NUP210L: variants seen among roughly 807,000 people sequenced by gnomAD.
NUP210L encodes the protein nucleoporin 210 like.
NUP210L carries 74 observed loss-of-function variants against 208.5 expected under a neutral mutation model. The ratio of observed to expected loss-of-function variants is 0.35; its 90% CI spans 0.29 to 0.43. NUP210L has a LOEUF of 0.43. Among genes scored for constraint, NUP210L ranks in the 20% least tolerant of loss-of-function variants. The probability of loss-of-function intolerance (pLI) is 1.00; values close to 1 mark genes in which losing one functional copy is unlikely to be tolerated. For synonymous variants in NUP210L, 780 were observed against 816.9 expected, an observed-to-expected ratio of 0.95 and a Z score of 0.77; for missense variants, 1,843 against 2,289.4, an observed-to-expected ratio of 0.81 and a Z score of 3.98.
In NUP210L at chr1:154,061,572, T is replaced by A; in HGVS notation, c.2643+14A>T. 1 of 1,408,188 alleles carries A rather than the reference T, an allele frequency of 7.1e-7. No homozygotes were observed. The highest frequency in any genetic ancestry group is 9.9e-7 in the Non-Finnish European group (1 of 1,005,190). The allele number at this position is 1,408,188 out of a possible 1,614,324, so 87.2% of individuals were successfully genotyped here. A position where few individuals can be genotyped will look rare whatever the true frequency, so the allele number is the denominator to read the frequency against. ...TATTTAATTTATATTTCTTACATTA[T>A]AATCTCCACTCACTTTTGGGCTTTT... On this transcript the variant is annotated intron_variant, in intron 18 of 39. Coordinates refer to ENST00000368559, the Ensembl canonical transcript of NUP210L.
chr1:154,055,159 CTTTCT>C (rs1236640227), intron 23 of NUP210L, among the ~76,000 whole-genome samples: 5 of 115,396 alleles, frequency 4.3e-5, no homozygotes, highest in African/African-American at 1.7e-4. Context: ...TTCTTTCTTT[CTTTCT>C]TTCTTTCTTT....
intron 7 of NUP210L, among the ~76,000 whole-genome samples, chr1:154,130,254 G>T (rs1273695378): frequency 1.3e-5 from 2 of 151,950 alleles, no homozygotes; most frequent in African/African-American, 4.8e-5. Flanking sequence ...CAGAAGAATT[G>T]CTTGAACCCA....
rs1367159154 is a variant in NUP210L at position 154,006,968 on chromosome 1, T to TATA, written c.4930+3003_4930+3004insTAT. Among the ~76,000 whole-genome samples the TATA allele has an allele frequency of 4.0e-3, 337 of 84,002 alleles. 2 individuals are homozygous for TATA. Among genetic ancestry groups the TATA allele is most frequent in the East Asian group, 8.8e-3 (28 of 3,178 alleles). 55.1% of individuals were successfully genotyped at this position (84,002 alleles called of 152,430 possible). A position where few individuals can be genotyped will look rare whatever the true frequency, so the allele number is the denominator to read the frequency against. ...TGTGTATATATATATATATATATATTTTTTTTTTTTTTTTAAATGGAGTTT... is the reference window on the plus strand; with the variant it reads ...TGTGTATATATATATATATATATATTATATTTTTTTTTTTTTTAAATGGAGTTT... On this transcript the variant is annotated intron_variant, in intron 35 of 39. Transcript: ENST00000368559.
At chr1:154,102,284 C>T (rs1016653983) in intron 13 of NUP210L, among the ~76,000 whole-genome samples, 1 of 152,052 alleles carries the variant, frequency 6.6e-6, no homozygotes, top group Non-Finnish European at 1.5e-5. Flanking sequence ...GTCTTGAATA[C>T]CAAACTAAAA....
intron 3 of NUP210L, 103 bp downstream of exon 3, chr1:154,143,343 T>G (rs1418260665): frequency 2.2e-6 from 2 of 893,596 alleles, no homozygotes; most frequent in Non-Finnish European, 3.5e-6. Flanking sequence ...AGATATTACT[T>G]CTAATCTACT....
exon 36 of NUP210L, chr1:154,001,885 G>A: frequency 6.2e-7 from 1 of 1,614,152 alleles, no homozygotes; most frequent in Non-Finnish European, 8.5e-7. Context: ...TACGTTCACT[G>A]ACCAGTGTAG....
intron 25 of NUP210L, among the ~76,000 whole-genome samples, chr1:154,048,438 T>A (rs1213053732): frequency 6.6e-6 from 1 of 152,168 alleles, no homozygotes. Context: ...CTTAAAGAGT[T>A]TAAACAGGCC....
intron 27 of NUP210L, 48 bp from the exon 28 acceptor site, chr1:154,030,102 T>A: frequency 7.6e-7 from 1 of 1,322,034 alleles, no homozygotes; most frequent in Non-Finnish European, 1.0e-6. Context: ...ATAAACATGG[T>A]GTCCTTCCTT....
intron 35 of NUP210L, among the ~76,000 whole-genome samples, chr1:154,005,942 G>A (rs1250789811): frequency 6.6e-6 from 1 of 151,634 alleles, no homozygotes; most frequent in African/African-American, 2.4e-5. Flanking sequence ...GGCTGGTCTC[G>A]AACTCCCGAC....
At chr1:154,092,294 T>C (rs1655965135) in intron 15 of NUP210L, among the ~76,000 whole-genome samples, 1 of 151,214 alleles carries the variant, frequency 6.6e-6, no homozygotes, top group Non-Finnish European at 1.5e-5. Flanking sequence ...TTACCCAGGA[T>C]GGTCTCGATC....
intron 30 of NUP210L, 117 bp from the exon 31 acceptor site, chr1:154,023,414 CT>C (rs1651679875): frequency 1.3e-6 from 1 of 785,478 alleles, no homozygotes; most frequent in Admixed American, 3.1e-5. Context: ...TAGGAAATAG[CT>C]TTTGATGTGA....
intron 6 of NUP210L, among the ~76,000 whole-genome samples, chr1:154,137,579 G>A (rs1205141366): frequency 1.3e-5 from 2 of 151,320 alleles, no homozygotes; most frequent in Admixed American, 6.6e-5. Flanking sequence ...GCTTGATATG[G>A]TGGCAGGAAC....
chr1:153,994,443 C>G (rs544584970), intron 38 of NUP210L, among the ~76,000 whole-genome samples: 1 of 151,980 alleles, frequency 6.6e-6, no homozygotes, highest in South Asian at 2.1e-4. Context: ...TCCCGAGTAG[C>G]TGGGATTACA....
At chr1:153,994,798 G>C (rs1298858461) in intron 38 of NUP210L, among the ~76,000 whole-genome samples, 1 of 151,430 alleles carries the variant, frequency 6.6e-6, no homozygotes, top group African/African-American at 2.4e-5. Context: ...TGGATCACGA[G>C]GTCAGGAGTT....
At chr1:154,122,986 G>GGCT (rs1248204115) in intron 10 of NUP210L, among the ~76,000 whole-genome samples, 1 of 150,826 alleles carries the variant, frequency 6.6e-6, no homozygotes, top group Admixed American at 6.6e-5. Context: ...AGGAGGTCAA[G>GGCT]GCTGCAGTAA....
At chr1:154,049,090 T>C (rs1181832572) in intron 25 of NUP210L, among the ~76,000 whole-genome samples, 5 of 152,204 alleles carry the variant, frequency 3.3e-5, no homozygotes, top group African/African-American at 1.2e-4. Context: ...GGAGTGGACA[T>C]TTCAATCATT....
chr1:154,080,922 C>T (rs1439975243), intron 16 of NUP210L, among the ~76,000 whole-genome samples: 3 of 144,810 alleles, frequency 2.1e-5, no homozygotes, highest in East Asian at 4.0e-4. Flanking sequence ...TGCAGTGAGT[C>T]GAGATAGTGC....
intron 7 of NUP210L, among the ~76,000 whole-genome samples, chr1:154,134,106 C>T (rs1350019711): frequency 6.6e-6 from 1 of 150,512 alleles, no homozygotes; most frequent in Non-Finnish European, 1.5e-5. Context: ...GCAGAAATCG[C>T]GCCACTGCAC....
At chr1:153,992,859 A>G (rs767553635) in exon 40 of NUP210L, 7 of 1,613,090 alleles carry the variant, frequency 4.3e-6, no homozygotes, top group East Asian at 2.2e-5. Context: ...TCCATAACCA[A>G]TGTTGCAGCC....
Sources: gnomAD v4.1 joint callset for allele counts (sites outside exome capture counted in the v4.1 genomes callset) on GRCh38, gnomAD v4.1.1 for gene constraint, MANE v1.5 for transcripts, NCBI Gene and HGNC (gene_info 2026-07-23, HGNC 2026-07-21) for gene names.